MNS1: variants seen among roughly 807,000 people sequenced by gnomAD.
MNS1 encodes the protein meiosis-specific nuclear structural protein 1.
MNS1 carries 63 observed loss-of-function variants against 72.0 expected under a neutral mutation model. The ratio of observed to expected loss-of-function variants is 0.87; its 90% CI spans 0.71 to 1.08. The LOEUF is 1.08. Among genes scored for constraint, MNS1 ranks in the 50% least tolerant of loss-of-function variants. MNS1 has a pLI of 0.00. For missense variants in MNS1, 604 were observed against 562.4 expected (o/e 1.07, Z -0.75); for synonymous variants, 188 against 172.1 (o/e 1.09, Z -0.72).
intron 7 of MNS1, among the ~76,000 whole-genome samples, chr15:56,439,579 G>A (rs2050784511): frequency 6.6e-6 from 1 of 152,064 alleles, no homozygotes; most frequent in African/African-American, 2.4e-5. Flanking sequence ...CATGCCAACT[G>A]TGTTTTAAGA....
chr15:56,457,256 C>G (rs2050987340), intron 2 of MNS1, among the ~76,000 whole-genome samples: 2 of 152,034 alleles, frequency 1.3e-5, no homozygotes, highest in Non-Finnish European at 2.9e-5. Flanking sequence ...CTTTTTTTCT[C>G]TTTTATATTT....
At chr15:56,441,468 C>T (rs2140351536) in intron 7 of MNS1, among the ~76,000 whole-genome samples, 1 of 152,074 alleles carries the variant, frequency 6.6e-6, no homozygotes. Flanking sequence ...GAGAACTGTG[C>T]ATTGAAATAC....
At position 56,465,063 on chromosome 15, in the gene MNS1, T is replaced by G; in HGVS notation, c.-91A>C. 1 of 1,540,302 alleles carries G rather than the reference T, an allele frequency of 6.5e-7. No individual in the cohort carries two copies. Among genetic ancestry groups the G allele is most frequent in the Non-Finnish European group, 8.8e-7 (1 of 1,139,204 alleles). On this transcript the variant is annotated 5_prime_UTR_variant, in exon 1 of 10. Transcript: ENST00000260453. ...AGCCAGCAGCCCCAAGGAGCGCACC[T>G]GGCTGCGCGCGCTCGGGTGTTTACG...
At chr15:56,445,087 C>T (rs73415841) in intron 4 of MNS1, among the ~76,000 whole-genome samples, 4,028 of 152,076 alleles carry the variant, frequency 0.026, 175 homozygotes, top group African/African-American at 0.092. Flanking sequence ...GATGGTACTG[C>T]CTCTTTCTTA....
intron 7 of MNS1, among the ~76,000 whole-genome samples, chr15:56,437,503 A>C (rs1369390799): frequency 6.6e-6 from 1 of 152,200 alleles, no homozygotes; most frequent in African/African-American, 2.4e-5. Flanking sequence ...ACCCACAGCC[A>C]ATATCATACT....
At chr15:56,437,275 G>C (rs1274124681) in intron 7 of MNS1, among the ~76,000 whole-genome samples, 3 of 152,172 alleles carry the variant, frequency 2.0e-5, no homozygotes, top group Admixed American at 6.5e-5. Context: ...CCATGATCAA[G>C]TGGGCTTCAT....
chr15:56,439,112 C>T (rs2050777362), intron 7 of MNS1, among the ~76,000 whole-genome samples: 1 of 152,092 alleles, frequency 6.6e-6, no homozygotes, highest in South Asian at 2.1e-4. Flanking sequence ...ACAAGATAAA[C>T]ACAAAAATAT....
At position 56,446,971 on chromosome 15, in the gene MNS1, A is replaced by C. The variant is rs767737711; in HGVS notation, c.354-28T>G. 2.1e-5 allele frequency: 31 copies of C among 1,501,998 alleles called. 1 individual carries two copies. The South Asian group carries it at 3.0e-4, about 14-fold the overall frequency. The allele number at this position is 1,501,998 out of a possible 1,614,324, so 93.0% of individuals were successfully genotyped here. The stretch of plus-strand genomic sequence containing the variant: ...GTTTAAAAAAACAAAAACAAATTTA[A>C]ATGTTAGGACCATAAGAGAATGAAA... On this transcript the variant is annotated intron_variant, in intron 3 of 9. Transcript: ENST00000260453.
rs752006727 is a variant in MNS1, at chr15:56,464,025, C to T, written c.225+1G>A. 1 of 1,601,998 alleles carries T rather than the reference C, an allele frequency of 6.2e-7. No individual in the cohort carries two copies. Among genetic ancestry groups the T allele is most frequent in the Non-Finnish European group, 8.5e-7 (1 of 1,175,136 alleles). On this transcript the variant is annotated splice_donor_variant, in intron 2 of 9. Transcript: ENST00000260453. LOFTEE classifies it high-confidence loss of function. ...AAGTAACAATGAATAGTAAAACTTA[C>T]CTTTTGAATGGCCTCTTCCATATCC...
intron 3 of MNS1, among the ~76,000 whole-genome samples, chr15:56,452,929 C>G (rs746407591): frequency 3.3e-5 from 5 of 152,168 alleles, no homozygotes; most frequent in African/African-American, 4.8e-5. Flanking sequence ...ACCAAACTTG[C>G]AAGGAGGACT....
chr15:56,463,794 AG>A, intron 2 of MNS1: 1 of 461,522 alleles, frequency 2.2e-6, no homozygotes, highest in Non-Finnish European at 3.8e-6. Flanking sequence ...AAAAAAAAAA[AG>A]TAAAAGCAAC....
chr15:56,458,372 C>G (rs145891899), intron 2 of MNS1, among the ~76,000 whole-genome samples: 7 of 152,316 alleles, frequency 4.6e-5, no homozygotes, highest in African/African-American at 1.7e-4. Context: ...TGTCCCTACA[C>G]ATGCTCAGCT....
At chr15:56,446,198 T>C (rs1359795223) in intron 4 of MNS1, among the ~76,000 whole-genome samples, 3 of 152,050 alleles carry the variant, frequency 2.0e-5, no homozygotes, top group Non-Finnish European at 2.9e-5. Context: ...TGTATGTGTA[T>C]ATAAACATTC....
At chr15:56,450,820 A>G (rs1253249296) in intron 3 of MNS1, among the ~76,000 whole-genome samples, 1 of 152,130 alleles carries the variant, frequency 6.6e-6, no homozygotes, top group African/African-American at 2.4e-5. Flanking sequence ...ACTTTTTCCC[A>G]TAGCACCTGC....
intron 7 of MNS1, among the ~76,000 whole-genome samples, chr15:56,440,802 G>C (rs1234163565): frequency 6.6e-6 from 1 of 152,048 alleles, no homozygotes; most frequent in African/African-American, 2.4e-5. Flanking sequence ...CCATGTTTTA[G>C]CATGATCAGT....
intron 8 of MNS1, among the ~76,000 whole-genome samples, chr15:56,432,333 G>C (rs1393877552): frequency 2.6e-5 from 4 of 152,198 alleles, no homozygotes; most frequent in African/African-American, 9.6e-5. Flanking sequence ...ATTCTGAATA[G>C]CTTTGGTGTA....
intron 2 of MNS1, among the ~76,000 whole-genome samples, chr15:56,460,034 A>ATG (rs200317174): frequency 2.9e-5 from 3 of 104,156 alleles, no homozygotes; most frequent in Admixed American, 1.1e-4. Flanking sequence ...ATATATATAT[A>ATG]TGTGACTATA....
chr15:56,460,449 C>T (rs923375806), intron 2 of MNS1, among the ~76,000 whole-genome samples: 2 of 152,094 alleles, frequency 1.3e-5, no homozygotes, highest in African/African-American at 4.8e-5. Context: ...CTATGGTCCT[C>T]AAGTAGCAAA....
chr15:56,444,566 A>G lies in MNS1; in HGVS notation c.564T>C (p.Tyr188=), dbSNP rs1258188346. The G allele has an allele frequency of 3.1e-6, 5 of 1,612,866 alleles. No homozygotes were observed. Among genetic ancestry groups the G allele is most frequent in the Non-Finnish European group, 4.2e-6 (5 of 1,179,472 alleles). ...CTTCAAGTTGTTTCTCTAAGTCAAGATAGTACTGTGCTTTCGCTTTGTTTC... is the reference window on the plus strand; with the variant it reads ...CTTCAAGTTGTTTCTCTAAGTCAAGGTAGTACTGTGCTTTCGCTTTGTTTC... The part of the protein sequence containing the change: ...DKRNKAKAQY[Y]LDLEKQLEEQ... The change falls in exon 5 of 10, where the codon TAT becomes TAC. Residue 188 remains tyrosine, a synonymous_variant. Transcript: ENST00000260453.
Sources: gnomAD v4.1 joint callset for allele counts (sites outside exome capture counted in the v4.1 genomes callset) on GRCh38, gnomAD v4.1.1 for gene constraint, MANE v1.5 for transcripts, NCBI Gene and HGNC (gene_info 2026-07-23, HGNC 2026-07-21) for gene names.